The following MALRD1 variants were observed in gnomAD, a reference collection of about 807,000 sequenced individuals.
The protein encoded by MALRD1 is MAM and LDL-receptor class A domain-containing protein 1.
In MALRD1, 247 loss-of-function variants were observed where a neutral mutation model predicts 242.1. The ratio of observed to expected loss-of-function variants is 1.02; its 90% CI spans 0.92 to 1.13. The LOEUF is 1.13. MALRD1 is among the 50% of genes most tolerant of loss of function. MALRD1 has a pLI of 0.00. For missense variants in MALRD1, 2,989 were observed against 2,533.1 expected (o/e 1.18, Z -3.86); for synonymous variants, 995 against 866.6 (o/e 1.15, Z -2.60).
chr10:19,299,833 A>C (rs574493632), intron 21 of MALRD1, among the ~76,000 whole-genome samples: 77 of 151,960 alleles, frequency 5.1e-4, no homozygotes, highest in Non-Finnish European at 1.0e-3. Flanking sequence ...CACTCTCGTC[A>C]CTCCTATTCA....
At chr10:19,073,256 G>T (rs1225567746) in intron 2 of MALRD1, among the ~76,000 whole-genome samples, 1 of 151,916 alleles carries the variant, frequency 6.6e-6, no homozygotes, top group African/African-American at 2.4e-5. Flanking sequence ...TATTTTAAAA[G>T]TAAAAATATT....
At chr10:19,610,402 C>T (rs1458097734) in intron 35 of MALRD1, among the ~76,000 whole-genome samples, 8 of 151,902 alleles carry the variant, frequency 5.3e-5, no homozygotes, top group Non-Finnish European at 2.9e-5. Context: ...CTGGTAAGCA[C>T]TGTTCTGTTC....
intron 21 of MALRD1, among the ~76,000 whole-genome samples, chr10:19,317,144 A>C (rs986478988): frequency 6.6e-6 from 1 of 151,750 alleles, no homozygotes; most frequent in Admixed American, 6.6e-5. Context: ...TCTAAATGCT[A>C]TAAACTGGGT....
chr10:19,546,231 C>T (rs182909508), intron 32 of MALRD1, among the ~76,000 whole-genome samples: 25 of 152,260 alleles, frequency 1.6e-4, no homozygotes, highest in Middle Eastern at 3.4e-3. Context: ...AATTCCCTTC[C>T]CCTAACAGTG....
intron 22 of MALRD1, among the ~76,000 whole-genome samples, chr10:19,324,459 C>T (rs921782450): frequency 6.6e-6 from 1 of 151,960 alleles, no homozygotes; most frequent in South Asian, 2.1e-4. Context: ...CTTCTTGTTG[C>T]CTTTGATGGT....
chr10:19,315,926 A>G (rs1013908233), intron 21 of MALRD1, among the ~76,000 whole-genome samples: 1 of 149,746 alleles, frequency 6.7e-6, no homozygotes, highest in Non-Finnish European at 1.5e-5. Flanking sequence ...GTATAGTAGT[A>G]TACTGTTATA....
chr10:19,113,311 C>G lies in MALRD1; in HGVS notation c.694+9236C>G, dbSNP rs573451569. On this transcript the variant is annotated intron_variant, in intron 5 of 39. Coordinates refer to ENST00000454679, the MANE Select transcript of MALRD1 (RefSeq NM_001142308.3). The stretch of plus-strand genomic sequence containing the variant: ...TAGTCCAATGTCCTCCTTCACAATT[C>G]CCCCAAGAATCCCATACTCTGGTCA... 3.9e-5 allele frequency among the ~76,000 whole-genome samples: 6 copies of G among 152,248 alleles called. No homozygotes were observed. The South Asian group carries it at 1.2e-3, about 32-fold the overall frequency.
chr10:19,296,366 T>A (rs1213993584), intron 21 of MALRD1, among the ~76,000 whole-genome samples: 2 of 152,124 alleles, frequency 1.3e-5, no homozygotes, highest in Non-Finnish European at 2.9e-5. Flanking sequence ...AGTTTCTTAT[T>A]TGGCAAGTTG....
intron 7 of MALRD1, among the ~76,000 whole-genome samples, 178 bp downstream of exon 7, chr10:19,124,848 C>A (rs1289155038): frequency 7.1e-6 from 1 of 140,628 alleles, no homozygotes; most frequent in East Asian, 2.2e-4. Context: ...CAGTGTAAAA[C>A]AAGAATTATA....
intron 36 of MALRD1, among the ~76,000 whole-genome samples, chr10:19,619,403 A>C (rs185433654): frequency 1.1e-3 from 165 of 152,186 alleles, no homozygotes; most frequent in Middle Eastern, 6.8e-3. Flanking sequence ...AGCCCTAGCT[A>C]TCTAAAAAAT....
intron 4 of MALRD1, among the ~76,000 whole-genome samples, chr10:19,094,172 CG>C (rs1835928510): frequency 9.4e-6 from 1 of 106,254 alleles, no homozygotes; most frequent in South Asian, 3.0e-4. Context: ...TGGGCAATGG[CG>C]GGCGCCCCTC....
intron 26 of MALRD1, among the ~76,000 whole-genome samples, chr10:19,367,441 G>A (rs1301223532): frequency 6.6e-6 from 1 of 152,046 alleles, no homozygotes; most frequent in Middle Eastern, 3.2e-3. Context: ...CTCACGATGG[G>A]ATTTCTTGCC....
At chr10:19,252,504 C>A (rs1369518287) in intron 18 of MALRD1, among the ~76,000 whole-genome samples, 4 of 151,840 alleles carry the variant, frequency 2.6e-5, no homozygotes, top group Non-Finnish European at 5.9e-5. Flanking sequence ...CAATATAATG[C>A]CAAAAGATCA....
intron 38 of MALRD1, among the ~76,000 whole-genome samples, chr10:19,704,161 A>G (rs1433265516): frequency 3.3e-5 from 5 of 152,192 alleles, no homozygotes; most frequent in Admixed American, 3.3e-4. Context: ...AATAACATAT[A>G]TTCATGTGAA....
intron 18 of MALRD1, among the ~76,000 whole-genome samples, chr10:19,215,695 G>T (rs929650258): frequency 5.3e-5 from 8 of 151,768 alleles, no homozygotes; most frequent in African/African-American, 1.7e-4. Context: ...TCTCAAACTA[G>T]ATCCTGTGCA....
At chr10:19,200,445 C>T (rs1318178372) in intron 14 of MALRD1, among the ~76,000 whole-genome samples, 2 of 152,120 alleles carry the variant, frequency 1.3e-5, no homozygotes, top group Admixed American at 6.5e-5. Flanking sequence ...GGTATTTCCT[C>T]CTATGAATGT....
chr10:19,449,948 A>G (rs1485580425), intron 28 of MALRD1, among the ~76,000 whole-genome samples: 1 of 152,238 alleles, frequency 6.6e-6, no homozygotes, highest in South Asian at 2.1e-4. Context: ...TAACTGGTGC[A>G]TGATGGGTAA....
intron 36 of MALRD1, among the ~76,000 whole-genome samples, chr10:19,677,873 A>G (rs1212773987): frequency 6.6e-6 from 1 of 152,022 alleles, no homozygotes; most frequent in Non-Finnish European, 1.5e-5. Context: ...TCCAGTTTCA[A>G]TTTTTCTGCA....
At chr10:19,161,238 T>C (rs1834384536) in intron 12 of MALRD1, among the ~76,000 whole-genome samples, 1 of 127,414 alleles carries the variant, frequency 7.8e-6, no homozygotes, top group Non-Finnish European at 1.7e-5. Context: ...TCATTCTCAG[T>C]AAACTATCGC....
Sources: allele counts gnomAD v4.1 joint callset (sites outside exome capture counted in the v4.1 genomes callset), GRCh38; gene constraint gnomAD v4.1.1; transcripts MANE v1.5; gene names NCBI Gene and HGNC (gene_info 2026-07-23, HGNC 2026-07-21).